Variants in DCTN1 observed in about 807,000 individuals in gnomAD.
DCTN1 encodes 150 kDa dynein-associated polypeptide.
A neutral mutation model predicts 161.2 loss-of-function variants in DCTN1; 61 were observed. The observed-to-expected ratio is 0.38, with a 90% CI of 0.31 to 0.47. The LOEUF is 0.47. DCTN1 is among the 20% of genes least tolerant of loss of function. The pLI is 0.99. For synonymous variants in DCTN1, 653 were observed against 632.4 expected (o/e 1.03, Z -0.49); for missense variants, 1,404 against 1,623.7 (o/e 0.86, Z 2.33).
rs568812456 is a variant in DCTN1, at chr2:74,365,635, T to A, written c.2909A>T (p.Asn970Ile). Residue 970 changes from asparagine (N) to isoleucine (I), a missense_variant, in exon 25 of 32, where the codon AAT becomes ATT. Around this residue, in one of 9 missense-constraint regions of DCTN1, gnomAD observed 475 missense variants for 489.8 expected, o/e 0.97. Coordinates refer to ENST00000628224, the MANE Select transcript of DCTN1 (RefSeq NM_004082.5). ...CTTCTCCAGGAGGCTCAGCCGCACATTGGCCTCACTTAGCTCCTCTCCCTG... is the reference window on the plus strand; with the variant it reads ...CTTCTCCAGGAGGCTCAGCCGCACAATGGCCTCACTTAGCTCCTCTCCCTG... ...KIKGEELSEANVRLSLLEKKL... is the reference protein window; with the variant it reads ...KIKGEELSEAIVRLSLLEKKL... The A allele has an allele frequency of 6.2e-7, 1 of 1,614,110 alleles. No individual in the cohort carries two copies. Among genetic ancestry groups the A allele is most frequent in the South Asian group, 1.1e-5 (1 of 91,064 alleles).
intron 8 of DCTN1, 27 bp from the exon 9 acceptor site, chr2:74,371,203 T>C (rs12993297): frequency 6.2e-7 from 1 of 1,611,446 alleles, no homozygotes; most frequent in African/African-American, 1.3e-5. Context: ...TCACGGTCTG[T>C]GCACAGCCCA....
intron 4 of DCTN1, 88 bp downstream of exon 4, chr2:74,377,344 T>C (rs887035799): frequency 8.5e-7 from 1 of 1,182,240 alleles, no homozygotes; most frequent in Non-Finnish European, 1.3e-6. Flanking sequence ...ACTCACCTAC[T>C]ACTTCTACCT....
At chr2:74,368,231 G>A in intron 16 of DCTN1, 100 bp from the exon 17 acceptor site, 1 of 1,457,556 alleles carries the variant, frequency 6.9e-7, no homozygotes, top group Middle Eastern at 2.3e-4. Flanking sequence ...GGGGAGCATG[G>A]ACACACATGG....
chr2:74,369,483 C>T lies in DCTN1; in HGVS notation c.1401G>A (p.Met467Ile), dbSNP rs1414282836. 3 of 1,613,018 alleles carry T rather than the reference C, an allele frequency of 1.9e-6. No individual in the cohort carries two copies. The highest frequency in any genetic ancestry group is 2.5e-6 in the Non-Finnish European group (3 of 1,180,024). The change falls in exon 14 of 32, where the codon ATG becomes ATA. Residue 467 changes from methionine (M) to isoleucine (I), a missense_variant. By Grantham distance (10) the Met-to-Ile change is conservative. Around this residue, in one of 9 missense-constraint regions of DCTN1, gnomAD observed 278 missense variants for 363.8 expected, o/e 0.76. Coordinates refer to ENST00000628224, the MANE Select transcript of DCTN1 (RefSeq NM_004082.5). The surrounding 1 kb of genome is among the most constrained non-coding windows in gnomAD (Gnocchi z 4.9). ...LRETVGDLEA[M>I]NEMNDELQEN... ...CCTGCAGCTCATCGTTCATCTCATTCATCGCTTCCTAGGACACCACACCAT... is the reference window on the plus strand; with the variant it reads ...CCTGCAGCTCATCGTTCATCTCATTTATCGCTTCCTAGGACACCACACCAT...
At chr2:74,380,777 TCA>T (rs1305954128), upstream of DCTN1, among the ~76,000 whole-genome samples, 4 of 152,100 alleles carry the variant, frequency 2.6e-5, no homozygotes, top group African/African-American at 9.7e-5. Flanking sequence ...GAAGGCAACT[TCA>T]CACACATAGC....
chr2:74,366,371 T>C lies in DCTN1; in HGVS notation c.2633A>G (p.Tyr878Cys), dbSNP rs778201974. Residue 878 changes from tyrosine (Y) to cysteine (C), a missense_variant, in exon 23 of 32, where the codon TAT (tyrosine) becomes TGT (cysteine). By Grantham distance (194) the Tyr-to-Cys change is radical. Transcript: ENST00000628224. Reference sequence around the variant, plus strand: ...ATAGGGGCTGCTGGAGGGGGTCCCATAGATCTGCAGGAGCCAAGGGCAGAA... The same window carrying C: ...ATAGGGGCTGCTGGAGGGGGTCCCACAGATCTGCAGGAGCCAAGGGCAGAA... ...ELAFKASEQI[Y>C]GTPSSSPYEC... 43 of 1,614,058 alleles carry C rather than the reference T, an allele frequency of 2.7e-5. No homozygotes were observed. The highest frequency in any genetic ancestry group is 5.0e-5 in the Admixed American group (3 of 60,008).
In DCTN1 at chr2:74,372,962, A is replaced by G; in HGVS notation, c.433-14T>C. ...CCGAGTTGTGGTCTGGACAGGCAAC[A>G]GGAGCCAGAAGAGAAGTAGTCAGGA... is the stretch of plus-strand genomic sequence containing the variant. On this transcript the variant is annotated splice_polypyrimidine_tract_variant and intron_variant, in intron 6 of 31. Transcript: ENST00000628224. The G allele has an allele frequency of 6.2e-7, 1 of 1,613,864 alleles. No homozygotes were observed. The highest frequency in any genetic ancestry group is 2.2e-5 in the East Asian group (1 of 44,886).
chr2:74,379,906 C>T lies in DCTN1; in HGVS notation c.33+99G>A. On this transcript the variant is annotated intron_variant, in intron 1 of 31. Transcript: ENST00000628224. ...CACAGTCTGAGTGCCCTCAGCTGAG[C>T]TCCAGCCTATCTCCCCAGCCCCCAC... The T allele has an allele frequency of 5.4e-6, 7 of 1,287,882 alleles. No homozygotes were observed. The South Asian group carries it at 6.0e-5, about 11-fold the overall frequency. The allele number at this position is 1,287,882 out of a possible 1,614,324, so 79.8% of individuals were successfully genotyped here. A position where few individuals can be genotyped will look rare whatever the true frequency, so the allele number is the denominator to read the frequency against.
chr2:74,374,428 A>G (rs1675096733), intron 5 of DCTN1, 88 bp from the exon 6 acceptor site: 1 of 1,596,474 alleles, frequency 6.3e-7, no homozygotes. Context: ...GAGGAAGGAC[A>G]GACGAAGGGA....
chr2:74,361,717 G>A, intron 31 of DCTN1, 81 bp from the exon 32 acceptor site: 3 of 1,589,664 alleles, frequency 1.9e-6, no homozygotes, highest in Non-Finnish European at 2.6e-6. Context: ...CCTGAGCACT[G>A]AGACCAAGGC....
Position 74,369,878 on chromosome 2 carries a change from C to T in DCTN1, c.1392+87G>A. On this transcript the variant is annotated intron_variant, in intron 13 of 31. Coordinates refer to ENST00000628224, the MANE Select transcript of DCTN1 (RefSeq NM_004082.5). The surrounding 1 kb of genome is among the most constrained non-coding windows in gnomAD (Gnocchi z 4.9). Reference sequence around the variant, plus strand: ...CAAGCCCAGGCTGGGTCCCTCACCGCACACCCTGCTCAAAGGCCAAGGGTC... The same window carrying T: ...CAAGCCCAGGCTGGGTCCCTCACCGTACACCCTGCTCAAAGGCCAAGGGTC... 7.2e-7 allele frequency: 1 copy of T among 1,380,494 alleles called. No individual in the cohort carries two copies. Among genetic ancestry groups the T allele is most frequent in the Non-Finnish European group, 1.0e-6 (1 of 973,348 alleles). 85.5% of individuals were successfully genotyped at this position (1,380,494 alleles called of 1,614,324 possible).
chr2:74,365,116 G>A lies in DCTN1; in HGVS notation c.3155C>T (p.Pro1052Leu), dbSNP rs1674305390. The change falls in exon 26 of 32, where the codon CCT becomes CTT. Residue 1052 changes from proline (P) to leucine (L), a missense_variant. By Grantham distance (98) the Pro-to-Leu change is moderately conservative. This residue lies in a region of DCTN1 where 311 missense variants were observed against 298.9 expected (regional missense o/e 1.04). Coordinates refer to ENST00000628224, the MANE Select transcript of DCTN1 (RefSeq NM_004082.5). Reference protein sequence around the residue: ...KRTIEGLRGPPPSGIATLVSG... With the variant: ...KRTIEGLRGPLPSGIATLVSG... The stretch of plus-strand genomic sequence containing the variant: ...GACCAGAGTAGCAATGCCTGAAGGA[G>A]GAGGGCCCCGGAGTCCCTCAATCGT... 6.2e-7 allele frequency: 1 copy of A among 1,614,172 alleles called. No individual in the cohort carries two copies. The highest frequency in any genetic ancestry group is 8.5e-7 in the Non-Finnish European group (1 of 1,180,034).
Position 74,366,161 on chromosome 2 carries a change from C to T in DCTN1, c.2760+83G>A, listed in dbSNP as rs1057116218. ...TCTCCAGATGCCTTCCTCCTGTCTC[C>T]CCGTCCTCCCACAACTAGCAGTAGC... On this transcript the variant is annotated intron_variant, in intron 23 of 31. Transcript: ENST00000628224. 23 of 1,611,232 alleles carry T rather than the reference C, an allele frequency of 1.4e-5. No individual in the cohort carries two copies. The South Asian group carries it at 1.6e-4, about 12-fold the overall frequency.
intron 30 of DCTN1, 45 bp from the exon 31 acceptor site, chr2:74,362,186 C>T: frequency 4.5e-6 from 7 of 1,562,116 alleles, no homozygotes; most frequent in Non-Finnish European, 6.2e-6. Context: ...ATGGGACCCC[C>T]ACAGGCTAGC....
At position 74,365,228 on chromosome 2, in the gene DCTN1, T is replaced by C; in HGVS notation, c.3043A>G (p.Thr1015Ala). Reference sequence around the variant, plus strand: ...ATGTCAGCCTGGAGTGCATCCATTGTCTCCTCAAACTCTCTGTGAAAGAGA... The same window carrying C: ...ATGTCAGCCTGGAGTGCATCCATTGCCTCCTCAAACTCTCTGTGAAAGAGA... Reference protein sequence around the residue: ...LRKKEKEFEETMDALQADIDQ... With the variant: ...LRKKEKEFEEAMDALQADIDQ... The change falls in exon 26 of 32, where the codon ACA (threonine) becomes GCA (alanine). Residue 1015 changes from threonine (T) to alanine (A), a missense_variant. Transcript: ENST00000628224. The C allele has an allele frequency of 6.2e-7, 1 of 1,614,150 alleles. No homozygotes were observed.
Position 74,391,659 on chromosome 2 carries a change from C to T in DCTN1, c.-19+135G>A, listed in dbSNP as rs376733257. 37 of 375,216 alleles carry T rather than the reference C, an allele frequency of 9.9e-5. 2 individuals are homozygous for T. Among genetic ancestry groups the T allele is most frequent in the African/African-American group, 2.1e-4 (10 of 46,970 alleles). The allele number at this position is 375,216 out of a possible 1,614,324, so 23.2% of individuals were successfully genotyped here. On this transcript the variant is annotated intron_variant, in intron 1 of 27. Coordinates refer to the DCTN1 transcript ENST00000409240. ...GGGGCAAACGCTCAGGCGGAGCCCC[C>T]GGACCCCGACAAGCGCCCACCCCTG...
In DCTN1 at chr2:74,367,046, T is replaced by C. The variant is rs1648520142; in HGVS notation, c.2315A>G (p.Gln772Arg). Residue 772 changes from glutamine to arginine, a missense_variant and splice_region_variant, in exon 20 of 32, where the codon CAG becomes CGG. Around this residue, in one of 9 missense-constraint regions of DCTN1, gnomAD observed 475 missense variants for 489.8 expected, o/e 0.97. Transcript: ENST00000628224. Reference protein sequence around the residue: ...VEVGRLRAFLQGGQEATDIAL... With the variant: ...VEVGRLRAFLRGGQEATDIAL... ...ACACAGATCTAGATGTGTTCTCACC[T>C]GCAAGAAGGCACGCAGCCGTCCTAC... 5.0e-6 allele frequency: 8 copies of C among 1,614,136 alleles called. No individual in the cohort carries two copies. Among genetic ancestry groups the C allele is most frequent in the Non-Finnish European group, 6.8e-6 (8 of 1,180,052 alleles).
intron 6 of DCTN1, among the ~76,000 whole-genome samples, chr2:74,373,874 A>T (rs78508724): frequency 0.04 from 6,017 of 152,308 alleles, 406 homozygotes; most frequent in African/African-American, 0.14. Flanking sequence ...TAGGTTCCCC[A>T]TCCCACCCTG....
Position 74,368,136 on chromosome 2 carries a change from G to A in DCTN1, c.1855-5C>T. ...CTGCTTCCGGATCAGCTCTGCCTGTGGGAAAAAGCACCAGGAACCTGGGCC... is the reference window on the plus strand; with the variant it reads ...CTGCTTCCGGATCAGCTCTGCCTGTAGGAAAAAGCACCAGGAACCTGGGCC... On this transcript the variant is annotated splice_polypyrimidine_tract_variant and splice_region_variant and intron_variant, in intron 16 of 31. Coordinates refer to ENST00000628224, the MANE Select transcript of DCTN1 (RefSeq NM_004082.5). 14 of 1,579,044 alleles carry A rather than the reference G, an allele frequency of 8.9e-6. No homozygotes were observed. Among genetic ancestry groups the A allele is most frequent in the African/African-American group, 1.3e-5 (1 of 74,080 alleles).
Sources: allele counts gnomAD v4.1 joint callset (sites outside exome capture counted in the v4.1 genomes callset), GRCh38; gene constraint gnomAD v4.1.1; regional missense constraint gnomAD v4.1.1; non-coding constraint Gnocchi (gnomAD v3.1); transcripts MANE v1.5; gene names NCBI Gene and HGNC (gene_info 2026-07-23, HGNC 2026-07-21).